Variants in WWOX observed in about 807,000 individuals in gnomAD.
The protein encoded by WWOX is WW domain-containing oxidoreductase.
Under a neutral mutation model 46.2 loss-of-function variants are expected in WWOX, and 69 were observed. That is an observed-to-expected ratio of 1.49 (90% CI 1.23 to 1.82). The LOEUF (loss-of-function observed/expected upper bound fraction) is 1.82. Ranked by LOEUF, WWOX falls within the 40% of genes most tolerant of loss-of-function variation. The pLI is 0.00. For missense variants in WWOX, 919 were observed against 542.6 expected, an observed-to-expected ratio of 1.69 and a Z score of -6.89; for synonymous variants, 359 against 202.6, an observed-to-expected ratio of 1.77 and a Z score of -6.56.
In WWOX at chr16:78,216,523, G is replaced by A. The variant is rs982469161; in HGVS notation, c.516+52234G>A. Among the ~76,000 whole-genome samples, 6 of 67,420 alleles carry A rather than the reference G, an allele frequency of 8.9e-5. No homozygotes were observed. In the East Asian group the frequency reaches 2.3e-3, roughly 26 times the overall value. The allele number at this position is 67,420 out of a possible 152,430, so 44.2% of individuals were successfully genotyped here. A position where few individuals can be genotyped will look rare whatever the true frequency, so the allele number is the denominator to read the frequency against. The stretch of plus-strand genomic sequence containing the variant: ...TTTCTGGAGGCTCTGGGGGAAGGTC[G>A]TTCCTTGGCCTTTTCCCATGACGCT... On this transcript the variant is annotated intron_variant, in intron 5 of 8. Coordinates refer to ENST00000566780, the MANE Select transcript of WWOX (RefSeq NM_016373.4).
chr16:78,808,225 A>C (rs566020818), intron 8 of WWOX, among the ~76,000 whole-genome samples: 1 of 152,242 alleles, frequency 6.6e-6, no homozygotes. Flanking sequence ...TGTGATACCC[A>C]TAGGGACCCT....
intron 5 of WWOX, among the ~76,000 whole-genome samples, chr16:78,176,087 G>A (rs2035335541): frequency 6.6e-6 from 1 of 152,036 alleles, no homozygotes; most frequent in Non-Finnish European, 1.5e-5. Context: ...CTCTTAATTA[G>A]TAAGTTCTCC....
intron 8 of WWOX, among the ~76,000 whole-genome samples, chr16:79,042,756 C>T (rs373267911): frequency 3.4e-4 from 48 of 142,862 alleles, no homozygotes; most frequent in African/African-American, 1.2e-3. Context: ...TCTAACTTGT[C>T]CTCCTTGATC....
rs544398941 is a variant in WWOX, at chr16:78,487,186, A to G, written c.1056+54434A>G. Among the ~76,000 whole-genome samples, 5 of 152,288 alleles carry G rather than the reference A, an allele frequency of 3.3e-5. No individual in the cohort carries two copies. The South Asian group carries it at 1.0e-3, about 32-fold the overall frequency. ...TTTCTTTAATATTTATGCTGGATAA[A>G]TAATTTATCTTTTTTCTCAGTTTTT... is the stretch of plus-strand genomic sequence containing the variant. On this transcript the variant is annotated intron_variant, in intron 8 of 8. Coordinates refer to ENST00000566780, the MANE Select transcript of WWOX (RefSeq NM_016373.4).
intron 5 of WWOX, among the ~76,000 whole-genome samples, chr16:78,320,522 C>G (rs2047541067): frequency 6.6e-6 from 1 of 152,250 alleles, no homozygotes; most frequent in East Asian, 1.9e-4. Context: ...GAGCATTATT[C>G]CCCAAAGTGG....
At chr16:78,100,156 C>T (rs2031666282) in intron 1 of WWOX, 1 of 1,303,550 alleles carries the variant, frequency 7.7e-7, no homozygotes, top group Non-Finnish European at 9.8e-7. Context: ...GAGGGCAAAG[C>T]GGCCTCATCC....
chr16:78,426,950 C>T (rs902603515), intron 7 of WWOX, among the ~76,000 whole-genome samples: 3 of 152,200 alleles, frequency 2.0e-5, no homozygotes, highest in African/African-American at 4.8e-5. Flanking sequence ...GCGTGAGCCA[C>T]CACGCCCGGC....
chr16:78,473,338 C>A (rs1291357776), intron 8 of WWOX, among the ~76,000 whole-genome samples: 1 of 152,156 alleles, frequency 6.6e-6, no homozygotes, highest in African/African-American at 2.4e-5. Flanking sequence ...CCATGTTGGC[C>A]AGGCTAGTCT....
rs150811493 is a variant in WWOX, at chr16:78,424,801, C to T, written c.606-69C>T. On this transcript the variant is annotated intron_variant, in intron 6 of 8. Transcript: ENST00000566780. ...TTTATGTCCACATCACGTGGATTCC[C>T]GAAGGAGCATGGATTATCCTTGGTT... is the stretch of plus-strand genomic sequence containing the variant. The T allele has an allele frequency of 6.8e-5, 108 of 1,577,756 alleles. No individual in the cohort carries two copies. In the East Asian group the frequency reaches 1.2e-3, roughly 18 times the overall value.
chr16:79,024,327 C>T (rs2047594153), intron 8 of WWOX, among the ~76,000 whole-genome samples: 4 of 152,228 alleles, frequency 2.6e-5, no homozygotes, highest in Non-Finnish European at 2.9e-5. Context: ...GGCACAGTCA[C>T]AGCTCACTGC....
intron 5 of WWOX, among the ~76,000 whole-genome samples, chr16:78,210,110 C>T (rs1210674143): frequency 6.6e-6 from 1 of 152,100 alleles, no homozygotes; most frequent in East Asian, 1.9e-4. Context: ...CGCCGAGCTT[C>T]ATCTATTTTG....
chr16:78,242,091 A>C (rs932924153), intron 5 of WWOX, among the ~76,000 whole-genome samples: 1 of 152,252 alleles, frequency 6.6e-6, no homozygotes, highest in East Asian at 1.9e-4. Context: ...GCCGCCCTGC[A>C]GACTTGAAGA....
At chr16:78,981,209 A>G (rs897247873) in intron 8 of WWOX, among the ~76,000 whole-genome samples, 7 of 152,116 alleles carry the variant, frequency 4.6e-5, no homozygotes, top group African/African-American at 1.7e-4. Context: ...CTGTGTTAGC[A>G]TCAGAAATGG....
At chr16:78,217,327 C>T (rs535370859) in intron 5 of WWOX, among the ~76,000 whole-genome samples, 1 of 152,344 alleles carries the variant, frequency 6.6e-6, no homozygotes, top group South Asian at 2.1e-4. Context: ...GATTGCACTC[C>T]TACTTTCCTG....
At chr16:78,287,790 A>T (rs2079794285) in intron 5 of WWOX, among the ~76,000 whole-genome samples, 1 of 152,118 alleles carries the variant, frequency 6.6e-6, no homozygotes, top group Non-Finnish European at 1.5e-5. Flanking sequence ...TTTTTTCCTA[A>T]ACTTAAAAAA....
chr16:78,337,894 T>G (rs2080930438), intron 5 of WWOX, among the ~76,000 whole-genome samples: 1 of 120,298 alleles, frequency 8.3e-6, no homozygotes, highest in African/African-American at 2.8e-5. Flanking sequence ...AAGCGCCCTC[T>G]CTGTTCCTGG....
intron 8 of WWOX, among the ~76,000 whole-genome samples, chr16:78,829,657 C>T (rs887454551): frequency 3.9e-5 from 6 of 152,016 alleles, no homozygotes; most frequent in Non-Finnish European, 8.8e-5. Flanking sequence ...AGGTTCTGTG[C>T]CAAGGATTTT....
intron 8 of WWOX, among the ~76,000 whole-genome samples, chr16:78,515,216 C>G (rs1157216860): frequency 6.6e-6 from 1 of 152,064 alleles, no homozygotes; most frequent in South Asian, 2.1e-4. Flanking sequence ...AGAGCGAGAC[C>G]CTGTCTCAGA....
Position 78,861,202 on chromosome 16 carries a change from G to T in WWOX, c.1057-350406G>T, listed in dbSNP as rs187344268. Among the ~76,000 whole-genome samples, 965 of 151,714 alleles carry T rather than the reference G, an allele frequency of 6.4e-3. 2 individuals carry two copies. Among genetic ancestry groups the T allele is most frequent in the Non-Finnish European group, 0.011 (714 of 67,916 alleles). On this transcript the variant is annotated intron_variant, in intron 8 of 8. Transcript: ENST00000566780. Reference sequence around the variant, plus strand: ...TGCTTCTTTCCTTTTTTCCTTCTCTGTTGAAGGCCTGAATAAAATAAAAGA... The same window carrying T: ...TGCTTCTTTCCTTTTTTCCTTCTCTTTTGAAGGCCTGAATAAAATAAAAGA...
Sources: allele counts gnomAD v4.1 joint callset (sites outside exome capture counted in the v4.1 genomes callset), GRCh38; gene constraint gnomAD v4.1.1; transcripts MANE v1.5; gene names NCBI Gene and HGNC (gene_info 2026-07-23, HGNC 2026-07-21).